The following ELF1 variants were observed in gnomAD, a reference collection of about 807,000 sequenced individuals.
ELF1 encodes ETS-related transcription factor Elf-1.
A neutral mutation model predicts 59.9 loss-of-function variants in ELF1; 24 were observed. The observed-to-expected ratio is 0.40, with a 90% confidence interval of 0.29 to 0.56. ELF1 has a LOEUF of 0.56. Among genes scored for constraint, ELF1 ranks in the 20% least tolerant of loss-of-function variants. ELF1 has a pLI of 0.44. For missense variants in ELF1, 627 were observed against 742.2 expected, an observed-to-expected ratio of 0.84 and a Z score of 1.80; for synonymous variants, 248 against 266.2, an observed-to-expected ratio of 0.93 and a Z score of 0.67.
intron 1 of ELF1, among the ~76,000 whole-genome samples, chr13:41,032,792 G>A (rs1256039885): frequency 2.7e-5 from 4 of 150,602 alleles, no homozygotes; most frequent in African/African-American, 9.8e-5. Context: ...TGAGGTCACA[G>A]TGAGCTACAG....
intron 2 of ELF1, among the ~76,000 whole-genome samples, chr13:40,981,265 T>C (rs17061698): frequency 0.018 from 2,678 of 152,178 alleles, 75 homozygotes; most frequent in African/African-American, 0.06. Flanking sequence ...ACATTCCCTA[T>C]ATAACTTGTT....
rs1328097073 is a variant in ELF1, at chr13:40,949,907, G to A, written c.428C>T (p.Thr143Ile). The change falls in exon 5 of 9, where the codon ACA becomes ATA. Residue 143 changes from threonine (T) to isoleucine (I), a missense_variant. This residue lies in a region of ELF1 where 232 missense variants were observed against 269.2 expected (regional missense o/e 0.86). Transcript: ENST00000239882. ...CATCACTTCAGGAATCCCATCTAATGTGACGGACACATGGGTGACTGGGGC... is the reference window on the plus strand; with the variant it reads ...CATCACTTCAGGAATCCCATCTAATATGACGGACACATGGGTGACTGGGGC... The part of the protein sequence containing the change: ...VVAPVTHVSV[T>I]LDGIPEVMET... 1 of 1,614,048 alleles carries A rather than the reference G, an allele frequency of 6.2e-7. No homozygotes were observed.
chr13:40,976,665 C>T (rs1391191125), intron 2 of ELF1, among the ~76,000 whole-genome samples: 1 of 152,214 alleles, frequency 6.6e-6, no homozygotes, highest in African/African-American at 2.4e-5. Context: ...CCTCAGCCTC[C>T]TGAATAGCTG....
intron 1 of ELF1, among the ~76,000 whole-genome samples, chr13:41,000,591 CA>C (rs963304816): frequency 6.6e-6 from 1 of 151,940 alleles, no homozygotes; most frequent in Non-Finnish European, 1.5e-5. Flanking sequence ...TTCAAGAATT[CA>C]AAGTTGTCTC....
chr13:41,037,188 T>C (rs376687738), intron 1 of ELF1, among the ~76,000 whole-genome samples: 6 of 152,100 alleles, frequency 3.9e-5, no homozygotes, highest in Admixed American at 6.5e-5. Flanking sequence ...GCACATACAA[T>C]GTGCTAAGTG....
intron 3 of ELF1, among the ~76,000 whole-genome samples, chr13:40,955,564 C>T (rs1272257311): frequency 2.9e-5 from 2 of 69,796 alleles, no homozygotes; most frequent in East Asian, 8.0e-4. Context: ...GTCAGCCCCC[C>T]ACCCGGCCAG....
chr13:40,945,197 C>A (rs1870432613), intron 5 of ELF1, among the ~76,000 whole-genome samples: 1 of 152,160 alleles, frequency 6.6e-6, no homozygotes, highest in South Asian at 2.1e-4. Flanking sequence ...TAGATATCGT[C>A]TTTATTTCCA....
intron 2 of ELF1, among the ~76,000 whole-genome samples, chr13:40,978,132 C>A (rs1873030239): frequency 1.3e-5 from 2 of 152,210 alleles, no homozygotes; most frequent in South Asian, 4.2e-4. Flanking sequence ...GAAATCCCAG[C>A]ACTTTGGGAG....
chr13:41,035,055 C>T (rs1876318557), intron 1 of ELF1, among the ~76,000 whole-genome samples: 1 of 152,216 alleles, frequency 6.6e-6, no homozygotes, highest in African/African-American at 2.4e-5. Flanking sequence ...AAGAATTGGT[C>T]ACTTCCTCCT....
intron 2 of ELF1, among the ~76,000 whole-genome samples, chr13:40,970,347 A>G (rs1022755295): frequency 6.6e-6 from 1 of 151,394 alleles, no homozygotes; most frequent in Non-Finnish European, 1.5e-5. Flanking sequence ...CTACAAATCT[A>G]TCACAGGTGA....
At chr13:41,002,759 G>A (rs9562263) in intron 1 of ELF1, among the ~76,000 whole-genome samples, 21,278 of 152,048 alleles carry the variant, frequency 0.14, 1,773 homozygotes, top group East Asian at 0.33. Flanking sequence ...CCCTACAGGC[G>A]CTTACAATCT....
chr13:41,039,352 A>C (rs969238834), intron 1 of ELF1, among the ~76,000 whole-genome samples: 56 of 151,828 alleles, frequency 3.7e-4, no homozygotes, highest in Middle Eastern at 3.4e-3. Flanking sequence ...AAAAAAAAAA[A>C]AAAAACCTAT....
intron 1 of ELF1, among the ~76,000 whole-genome samples, chr13:41,045,490 T>C (rs970301953): frequency 1.3e-5 from 2 of 152,224 alleles, no homozygotes; most frequent in Non-Finnish European, 2.9e-5. Flanking sequence ...GTATGTTGTG[T>C]CTTTGTTCTC....
intron 2 of ELF1, among the ~76,000 whole-genome samples, chr13:40,960,168 A>G (rs1871728128): frequency 6.6e-6 from 1 of 152,218 alleles, no homozygotes; most frequent in African/African-American, 2.4e-5. Flanking sequence ...TAAAGACAGC[A>G]TAATTATCAA....
chr13:40,981,084 TGTTTCCAGAATAA>T (rs1230718040), intron 2 of ELF1, among the ~76,000 whole-genome samples: 1 of 150,464 alleles, frequency 6.6e-6, no homozygotes, highest in Admixed American at 6.6e-5. Flanking sequence ...GTAGTAACTA[TGTTTCCAGAATAA>T]AGGCATTACA....
intron 3 of ELF1, among the ~76,000 whole-genome samples, chr13:40,954,702 G>A (rs986296120): frequency 3.3e-5 from 5 of 151,958 alleles, no homozygotes; most frequent in African/African-American, 4.8e-5. Context: ...CGCCAGCCTC[G>A]GCCTCCCGAG....
At chr13:41,008,480 T>C (rs188055971) in intron 1 of ELF1, among the ~76,000 whole-genome samples, 1 of 152,292 alleles carries the variant, frequency 6.6e-6, no homozygotes, top group Non-Finnish European at 1.5e-5. Context: ...TTAAAAGGCT[T>C]TTCTGATGAG....
At chr13:41,060,956 C>A in exon 1 of ELF1, 1 of 352,116 alleles carries the variant, frequency 2.8e-6, no homozygotes, top group South Asian at 2.2e-5. Context: ...CTGCTGCTGC[C>A]CACACGCTCC....
chr13:40,946,648 G>A (rs28542914), intron 5 of ELF1, among the ~76,000 whole-genome samples: 3,232 of 152,138 alleles, frequency 0.021, 47 homozygotes, highest in Non-Finnish European at 0.036. Context: ...GAGACAGCAA[G>A]ACCAAACCCT....
Sources: gnomAD v4.1 joint callset for allele counts (sites outside exome capture counted in the v4.1 genomes callset) on GRCh38, gnomAD v4.1.1 for gene constraint, gnomAD v4.1.1 regional missense constraint, MANE v1.5 for transcripts, NCBI Gene and HGNC (gene_info 2026-07-23, HGNC 2026-07-21) for gene names.